The following ESRRG variants were observed in gnomAD, a reference collection of about 807,000 sequenced individuals.
ESRRG encodes the protein estrogen related receptor gamma.
Under a neutral mutation model 44.0 loss-of-function variants are expected in ESRRG, and 13 were observed. The observed-to-expected ratio is 0.30, with a 90% confidence interval of 0.19 to 0.47. The LOEUF is 0.47. Ranked by LOEUF, ESRRG falls within the 20% of genes least tolerant of loss-of-function variation. The pLI is 1.00. For missense variants in ESRRG, 395 were observed against 580.6 expected (o/e 0.68, Z 3.29); for synonymous variants, 215 against 214.6 (o/e 1.00, Z -0.02).
chr1:216,897,082 TTTTATG>T (rs1261373856), intron 2 of ESRRG, among the ~76,000 whole-genome samples: 3 of 152,184 alleles, frequency 2.0e-5, no homozygotes, highest in Non-Finnish European at 4.4e-5. Context: ...TAAGTTTGTC[TTTTATG>T]TTTAAGTTCA....
At chr1:217,024,079 C>T (rs183608484) in intron 1 of ESRRG, among the ~76,000 whole-genome samples, 3 of 152,196 alleles carry the variant, frequency 2.0e-5, no homozygotes, top group Non-Finnish European at 4.4e-5. Flanking sequence ...AGCTGTACAG[C>T]AGGGCACTGT....
At position 216,549,508 on chromosome 1, in the gene ESRRG, A is replaced by T. The variant is rs6604635; in HGVS notation, c.862+14711T>A. Among the ~76,000 whole-genome samples, 1,212 of 151,914 alleles carry T rather than the reference A, an allele frequency of 8.0e-3. 13 individuals are homozygous for T. Among genetic ancestry groups the T allele is most frequent in the African/African-American group, 0.028 (1,154 of 41,468 alleles). ...CATCAGCAGATATTGAGTTGCCAGG[A>T]GAGCATAATTAGAGAAAAGACATTC... On this transcript the variant is annotated intron_variant, in intron 5 of 6. Coordinates refer to ENST00000408911, the MANE Select transcript of ESRRG (RefSeq NM_001438.4).
intron 5 of ESRRG, among the ~76,000 whole-genome samples, chr1:216,551,149 T>C (rs2056211241): frequency 6.6e-6 from 1 of 152,176 alleles, no homozygotes; most frequent in African/African-American, 2.4e-5. Flanking sequence ...AAAAATATTT[T>C]GATAATGCAT....
intron 1 of ESRRG, among the ~76,000 whole-genome samples, chr1:217,026,912 C>CACACACACAGAGAGAG (rs1255637839): frequency 2.1e-4 from 20 of 93,472 alleles, no homozygotes; most frequent in African/African-American, 5.6e-4. Flanking sequence ...CACACACACA[C>CACACACACAGAGAGAG]AGAGAGAGAG....
intron 1 of ESRRG, among the ~76,000 whole-genome samples, chr1:216,693,299 G>A (rs979388029): frequency 3.2e-4 from 49 of 152,104 alleles, no homozygotes; most frequent in Non-Finnish European, 5.6e-4. Context: ...TTTTATGTGT[G>A]TAATTAAAGA....
chr1:216,755,850 T>C (rs2092406479), intron 2 of ESRRG, among the ~76,000 whole-genome samples: 1 of 152,082 alleles, frequency 6.6e-6, no homozygotes, highest in Non-Finnish European at 1.5e-5. Context: ...CAGGGGCTAT[T>C]TGTATTTGCT....
chr1:217,018,365 T>C (rs2079754176), intron 1 of ESRRG, among the ~76,000 whole-genome samples: 1 of 152,174 alleles, frequency 6.6e-6, no homozygotes, highest in African/African-American at 2.4e-5. Context: ...CAACCCATCC[T>C]CCACCTAGCA....
At chr1:217,108,042 C>T (rs995991256) in intron 1 of ESRRG, among the ~76,000 whole-genome samples, 1 of 151,896 alleles carries the variant, frequency 6.6e-6, no homozygotes, top group Non-Finnish European at 1.5e-5. Context: ...CATAACCTAC[C>T]AAATTAAAAA....
At chr1:217,092,455 A>C (rs921015236), upstream of ESRRG, among the ~76,000 whole-genome samples, 2 of 152,230 alleles carry the variant, frequency 1.3e-5, no homozygotes, top group Non-Finnish European at 2.9e-5. Context: ...ACTGAGGCAC[A>C]GAGAAGTTGA....
intron 6 of ESRRG, among the ~76,000 whole-genome samples, chr1:216,510,350 G>A (rs189845866): frequency 3.5e-4 from 53 of 152,170 alleles, no homozygotes; most frequent in Non-Finnish European, 3.8e-4. Context: ...ACATATTATT[G>A]CCCACATATT....
chr1:216,650,910 A>AT (rs1358556434), intron 3 of ESRRG, 63 bp downstream of exon 3: 128 of 977,664 alleles, frequency 1.3e-4, no homozygotes, highest in Non-Finnish European at 1.8e-4. Context: ...AACTGGTGGA[A>AT]TTTTTTGCCT....
chr1:217,107,223 T>A (rs534848683), intron 1 of ESRRG, among the ~76,000 whole-genome samples: 1 of 152,290 alleles, frequency 6.6e-6, no homozygotes, highest in East Asian at 1.9e-4. Flanking sequence ...CAAATAAGAG[T>A]ACGTCAAATC....
At chr1:216,983,899 T>A (rs958445282) in intron 1 of ESRRG, among the ~76,000 whole-genome samples, 1 of 152,184 alleles carries the variant, frequency 6.6e-6, no homozygotes, top group African/African-American at 2.4e-5. Context: ...GAAAATGTCC[T>A]AAATGGATAT....
chr1:216,821,074 TA>T (rs1184841847), intron 2 of ESRRG, among the ~76,000 whole-genome samples: 2 of 152,016 alleles, frequency 1.3e-5, no homozygotes, highest in African/African-American at 2.4e-5. Flanking sequence ...TTAATGTATT[TA>T]AAAAAAACAA....
intron 2 of ESRRG, among the ~76,000 whole-genome samples, chr1:216,779,447 T>A (rs1396217069): frequency 1.6e-5 from 1 of 62,278 alleles, no homozygotes; most frequent in Non-Finnish European, 2.9e-5. Context: ...AAAATAAATA[T>A]TTATAAATAT....
intron 5 of ESRRG, among the ~76,000 whole-genome samples, chr1:216,556,007 A>G (rs934416164): frequency 1.3e-5 from 2 of 152,152 alleles, no homozygotes. Flanking sequence ...CATTCTATGC[A>G]TCATGTTCTG....
intron 3 of ESRRG, among the ~76,000 whole-genome samples, chr1:216,578,611 G>T (rs563608415): frequency 6.6e-6 from 1 of 152,192 alleles, no homozygotes; most frequent in Admixed American, 6.6e-5. Context: ...GAAATCAAGA[G>T]AATACAGTGG....
chr1:216,564,176 T>G (rs2059277018), intron 5 of ESRRG, 43 bp downstream of exon 5: 1 of 1,328,796 alleles, frequency 7.5e-7, no homozygotes, highest in Non-Finnish European at 1.0e-6. Flanking sequence ...CCTAGGGAAT[T>G]AATTGCAACC....
chr1:217,070,547 A>AT (rs2090425310), intron 1 of ESRRG, among the ~76,000 whole-genome samples: 1 of 151,986 alleles, frequency 6.6e-6, no homozygotes, highest in Non-Finnish European at 1.5e-5. Context: ...GGTCTGGCTA[A>AT]TTTTTGTGTT....
Sources: gnomAD v4.1 joint callset for allele counts (sites outside exome capture counted in the v4.1 genomes callset) on GRCh38, gnomAD v4.1.1 for gene constraint, MANE v1.5 for transcripts, NCBI Gene and HGNC (gene_info 2026-07-23, HGNC 2026-07-21) for gene names.